PPM1L: variants seen among roughly 807,000 people sequenced by gnomAD.
PPM1L encodes the protein protein phosphatase 1L.
PPM1L carries 13 observed loss-of-function variants against 31.4 expected under a neutral mutation model. That is an observed-to-expected ratio of 0.41 (90% CI 0.27 to 0.66). The LOEUF is 0.66. Among genes scored for constraint, PPM1L ranks in the 30% least tolerant of loss-of-function variants. The pLI is 0.29. For missense variants in PPM1L, 326 were observed against 453.7 expected (o/e 0.72, Z 2.56); for synonymous variants, 184 against 175.4 (o/e 1.05, Z -0.39).
At chr3:160,954,956 C>CTTCCTTCCTTTCCT (rs1553749482) in intron 1 of PPM1L, among the ~76,000 whole-genome samples, 24 of 77,438 alleles carry the variant, frequency 3.1e-4, no homozygotes, top group African/African-American at 1.4e-3. Context: ...TCCTTCCTTC[C>CTTCCTTCCTTTCCT]TTCCTTTCCT....
intron 1 of PPM1L, among the ~76,000 whole-genome samples, chr3:160,866,977 G>T (rs1712113652): frequency 6.6e-6 from 1 of 152,114 alleles, no homozygotes. Flanking sequence ...GAGTAGTTGG[G>T]ACCATAGGCA....
At chr3:160,794,927 G>A (rs1292761035) in intron 1 of PPM1L, among the ~76,000 whole-genome samples, 1 of 152,166 alleles carries the variant, frequency 6.6e-6, no homozygotes, top group African/African-American at 2.4e-5. Flanking sequence ...AACGCAGGGG[G>A]TAATGGTGAA....
chr3:160,902,546 G>A (rs1348382605), intron 1 of PPM1L, among the ~76,000 whole-genome samples: 2 of 152,094 alleles, frequency 1.3e-5, no homozygotes, highest in Non-Finnish European at 1.5e-5. Context: ...TTACAAGAGA[G>A]CTTTAAAGGT....
At chr3:160,974,996 A>G (rs1716514226) in intron 2 of PPM1L, among the ~76,000 whole-genome samples, 2 of 152,064 alleles carry the variant, frequency 1.3e-5, no homozygotes, top group South Asian at 4.1e-4. Flanking sequence ...TAGGGTTTTT[A>G]TGGTTTTAGG....
intron 1 of PPM1L, among the ~76,000 whole-genome samples, chr3:160,873,821 A>T (rs16831555): frequency 0.076 from 11,534 of 152,192 alleles, 553 homozygotes; most frequent in African/African-American, 0.13. Context: ...TTCTAGTAGA[A>T]TTGTGATCCT....
At chr3:161,002,103 T>C (rs1016903130) in intron 2 of PPM1L, among the ~76,000 whole-genome samples, 1 of 152,078 alleles carries the variant, frequency 6.6e-6, no homozygotes, top group Non-Finnish European at 1.5e-5. Flanking sequence ...TTTTGTGTTC[T>C]TGCGATAGTT....
At chr3:160,917,621 TA>T (rs571218151) in intron 1 of PPM1L, among the ~76,000 whole-genome samples, 62 of 152,196 alleles carry the variant, frequency 4.1e-4, no homozygotes, top group African/African-American at 1.4e-3. Context: ...CTGCAGCTAT[TA>T]AAAGCAAAAA....
intron 1 of PPM1L, among the ~76,000 whole-genome samples, chr3:160,827,093 G>A (rs1713374412): frequency 6.6e-6 from 1 of 152,138 alleles, no homozygotes; most frequent in South Asian, 2.1e-4. Flanking sequence ...GGACACTGTT[G>A]TTCTTTCTCA....
At chr3:160,758,943 C>A (rs1171402843) in intron 1 of PPM1L, among the ~76,000 whole-genome samples, 2 of 152,000 alleles carry the variant, frequency 1.3e-5, no homozygotes, top group African/African-American at 2.4e-5. Flanking sequence ...TCGTATGTAG[C>A]CAGTTAGTTC....
intron 1 of PPM1L, among the ~76,000 whole-genome samples, chr3:160,915,057 G>A (rs376924536): frequency 3.9e-5 from 6 of 152,190 alleles, no homozygotes; most frequent in African/African-American, 1.2e-4. Context: ...GTTCTGGCCA[G>A]GGCAATCAGG....
At chr3:161,064,065 T>C (rs757891140) in intron 2 of PPM1L, among the ~76,000 whole-genome samples, 31 of 151,916 alleles carry the variant, frequency 2.0e-4, no homozygotes, top group Non-Finnish European at 8.8e-5. Flanking sequence ...AAATACCTAA[T>C]GCATGTAGGG....
intron 2 of PPM1L, among the ~76,000 whole-genome samples, chr3:160,990,310 T>C (rs757193791): frequency 2.0e-4 from 31 of 152,282 alleles, no homozygotes; most frequent in Non-Finnish European, 3.7e-4. Context: ...CCAACAACTA[T>C]TTTTTAACAT....
intron 1 of PPM1L, among the ~76,000 whole-genome samples, chr3:160,894,768 G>C (rs995332285): frequency 3.3e-5 from 5 of 152,046 alleles, no homozygotes; most frequent in Non-Finnish European, 5.9e-5. Flanking sequence ...TACTCTTTCA[G>C]TTTTTTCCAT....
intron 1 of PPM1L, among the ~76,000 whole-genome samples, chr3:160,884,850 A>G (rs1198536062): frequency 6.6e-6 from 1 of 152,228 alleles, no homozygotes; most frequent in East Asian, 1.9e-4. Context: ...AAAGTTTGCT[A>G]TGCTAATGAG....
intron 1 of PPM1L, among the ~76,000 whole-genome samples, chr3:160,899,206 T>G (rs1193952461): frequency 6.6e-6 from 1 of 152,170 alleles, no homozygotes; most frequent in African/African-American, 2.4e-5. Flanking sequence ...AACTGAGATC[T>G]AACTGATCTT....
At chr3:160,822,113 A>C (rs1713219260) in intron 1 of PPM1L, among the ~76,000 whole-genome samples, 1 of 152,028 alleles carries the variant, frequency 6.6e-6, no homozygotes, top group Non-Finnish European at 1.5e-5. Context: ...TTTTTGTAGT[A>C]CCATTTATTA....
chr3:161,036,379 C>A (rs545186273), intron 2 of PPM1L, among the ~76,000 whole-genome samples: 1 of 152,236 alleles, frequency 6.6e-6, no homozygotes, highest in Non-Finnish European at 1.5e-5. Flanking sequence ...CTTCTTAATA[C>A]CTCTGTGACC....
intron 2 of PPM1L, among the ~76,000 whole-genome samples, chr3:161,012,715 A>C (rs1474536687): frequency 6.6e-6 from 1 of 152,164 alleles, no homozygotes; most frequent in Non-Finnish European, 1.5e-5. Flanking sequence ...TGGTCTATTC[A>C]GCGATTCAAC....
intron 2 of PPM1L, among the ~76,000 whole-genome samples, chr3:160,964,103 C>T (rs150262270): frequency 3.9e-5 from 6 of 152,098 alleles, no homozygotes; most frequent in Non-Finnish European, 2.9e-5. Flanking sequence ...GTTAATGCCA[C>T]TAGTGATGAA....
Sources: allele counts gnomAD v4.1 joint callset (sites outside exome capture counted in the v4.1 genomes callset), GRCh38; gene constraint gnomAD v4.1.1; transcripts MANE v1.5; gene names NCBI Gene and HGNC (gene_info 2026-07-23, HGNC 2026-07-21).